The following SH3GL3 variants were observed in gnomAD, a reference collection of about 807,000 sequenced individuals.
The protein encoded by SH3GL3 is endophilin-A3.
In SH3GL3, 33 loss-of-function variants were observed where a neutral mutation model predicts 47.7. The observed-to-expected ratio is 0.69, with a 90% CI of 0.52 to 0.92. The LOEUF is 0.92. Ranked by LOEUF, SH3GL3 falls within the 40% of genes least tolerant of loss-of-function variation. SH3GL3 has a pLI of 0.00. For missense variants in SH3GL3, 363 were observed against 417.8 expected, an observed-to-expected ratio of 0.87 and a Z score of 1.14; for synonymous variants, 155 against 148.8, an observed-to-expected ratio of 1.04 and a Z score of -0.30.
chr15:83,613,407 C>T (rs1163346507), intron 8 of SH3GL3, among the ~76,000 whole-genome samples: 1 of 152,200 alleles, frequency 6.6e-6, no homozygotes, highest in East Asian at 1.9e-4. Context: ...GCAGTGGTTC[C>T]TTGCCAAGAA....
intron 1 of SH3GL3, among the ~76,000 whole-genome samples, chr15:83,529,627 G>A (rs1319749636): frequency 6.6e-6 from 1 of 151,640 alleles, no homozygotes; most frequent in African/African-American, 2.4e-5. Flanking sequence ...ACGAGTGCAG[G>A]CTGTGGTGGG....
At chr15:83,487,497 A>G (rs2041657396) in intron 1 of SH3GL3, among the ~76,000 whole-genome samples, 1 of 152,148 alleles carries the variant, frequency 6.6e-6, no homozygotes, top group South Asian at 2.1e-4. Flanking sequence ...TTGTGAACCC[A>G]AAGAAGTTTC....
chr15:83,450,555 CG>C (rs2039691177), intron 1 of SH3GL3, among the ~76,000 whole-genome samples: 1 of 151,958 alleles, frequency 6.6e-6, no homozygotes, highest in Admixed American at 6.6e-5. Context: ...AATGAAGACT[CG>C]TAAACCCTGG....
chr15:83,625,175 C>T, the SH3GL3 span, among the ~76,000 whole-genome samples: 2 of 152,178 alleles, frequency 1.3e-5, no homozygotes, highest in Non-Finnish European at 2.9e-5. Context: ...AGCACATTCC[C>T]AGAGAAGCTG....
chr15:83,527,294 G>A (rs1456093144), intron 1 of SH3GL3, among the ~76,000 whole-genome samples: 1 of 152,096 alleles, frequency 6.6e-6, no homozygotes, highest in African/African-American at 2.4e-5. Flanking sequence ...TAGATAATCT[G>A]TCTAATGTTG....
At chr15:83,514,516 G>A (rs1259225894) in intron 1 of SH3GL3, among the ~76,000 whole-genome samples, 1 of 152,210 alleles carries the variant, frequency 6.6e-6, no homozygotes, top group East Asian at 1.9e-4. Context: ...AGCATTCTTT[G>A]TAGCATTGGG....
chr15:83,579,113 A>G (rs575329047), intron 6 of SH3GL3, among the ~76,000 whole-genome samples: 2 of 152,170 alleles, frequency 1.3e-5, no homozygotes, highest in African/African-American at 4.8e-5. Flanking sequence ...GGATCCCTTC[A>G]TTATAAAAGC....
chr15:83,481,147 C>T (rs1450340390), intron 1 of SH3GL3, among the ~76,000 whole-genome samples: 3 of 151,894 alleles, frequency 2.0e-5, no homozygotes, highest in Admixed American at 1.3e-4. Context: ...TGGTGGCAGC[C>T]ACCTATATTC....
chr15:83,463,471 G>A (rs1279430040), intron 1 of SH3GL3, among the ~76,000 whole-genome samples: 1 of 152,158 alleles, frequency 6.6e-6, no homozygotes, highest in Non-Finnish European at 1.5e-5. Context: ...GCTATGGTGA[G>A]ATTACATTAT....
intron 6 of SH3GL3, among the ~76,000 whole-genome samples, chr15:83,578,294 G>A (rs2151786077): frequency 6.6e-6 from 1 of 152,264 alleles, no homozygotes; most frequent in Non-Finnish European, 1.5e-5. Context: ...CGGAGCCCCT[G>A]CCCTCAGCCT....
At chr15:83,476,188 G>C (rs2041086560) in intron 1 of SH3GL3, among the ~76,000 whole-genome samples, 1 of 152,096 alleles carries the variant, frequency 6.6e-6, no homozygotes, top group East Asian at 1.9e-4. Context: ...GGGAATTGAG[G>C]CTTGGCAAGG....
chr15:83,453,626 T>C (rs2039884567), intron 1 of SH3GL3, among the ~76,000 whole-genome samples: 1 of 149,826 alleles, frequency 6.7e-6, no homozygotes, highest in African/African-American at 2.5e-5. Flanking sequence ...TGATGGTAGT[T>C]TGTATTTCTG....
chr15:83,616,339 G>A (rs903541214), intron 8 of SH3GL3, among the ~76,000 whole-genome samples: 9 of 137,936 alleles, frequency 6.5e-5, no homozygotes, highest in African/African-American at 1.4e-4. Context: ...TGCAACCTCC[G>A]CCTTCCGGGT....
chr15:83,551,005 G>A (rs928204007), intron 1 of SH3GL3, among the ~76,000 whole-genome samples: 1 of 152,136 alleles, frequency 6.6e-6, no homozygotes, highest in Non-Finnish European at 1.5e-5. Flanking sequence ...GAGACGCCAA[G>A]GTTTCTTTGA....
chr15:83,594,473 T>C (rs781306094), intron 8 of SH3GL3, among the ~76,000 whole-genome samples: 2 of 152,252 alleles, frequency 1.3e-5, no homozygotes, highest in African/African-American at 2.4e-5. Flanking sequence ...TTACTTTATA[T>C]AATGAACATA....
At chr15:83,523,319 A>G (rs2043284722) in intron 1 of SH3GL3, among the ~76,000 whole-genome samples, 1 of 152,204 alleles carries the variant, frequency 6.6e-6, no homozygotes, top group Non-Finnish European at 1.5e-5. Flanking sequence ...AGCACTGTAG[A>G]GACACCTGCC....
intron 1 of SH3GL3, among the ~76,000 whole-genome samples, chr15:83,536,516 T>C (rs8033599): frequency 0.52 from 79,110 of 151,068 alleles, 20,957 homozygotes; most frequent in East Asian, 0.63. Flanking sequence ...GATTCTCCTG[T>C]CTCAGCCTCC....
chr15:83,592,777 A>G (rs906582995), intron 8 of SH3GL3, among the ~76,000 whole-genome samples: 1 of 152,182 alleles, frequency 6.6e-6, no homozygotes, highest in African/African-American at 2.4e-5. Context: ...CATTTTTCTA[A>G]AAATCCTTTT....
At chr15:83,550,757 G>A (rs1004094931) in intron 1 of SH3GL3, among the ~76,000 whole-genome samples, 3 of 152,068 alleles carry the variant, frequency 2.0e-5, no homozygotes, top group Non-Finnish European at 4.4e-5. Context: ...TGTTTTCCCT[G>A]TGTTTCCAAA....
Sources: gnomAD v4.1 joint callset for allele counts (sites outside exome capture counted in the v4.1 genomes callset) on GRCh38, gnomAD v4.1.1 for gene constraint, MANE v1.5 for transcripts, NCBI Gene and HGNC (gene_info 2026-07-23, HGNC 2026-07-21) for gene names.